Variants in NAV2 observed in about 807,000 individuals in gnomAD.
NAV2 encodes helicase, APC down-regulated 1.
Under a neutral mutation model 223.2 loss-of-function variants are expected in NAV2, and 54 were observed. The ratio of observed to expected loss-of-function variants is 0.24; its 90% CI spans 0.19 to 0.30. The LOEUF (loss-of-function observed/expected upper bound fraction) is 0.30, where lower values mean the gene tolerates loss of function less well. Among genes scored for constraint, NAV2 ranks in the 10% least tolerant of loss-of-function variants. The pLI, the probability that NAV2 is intolerant of heterozygous loss-of-function variation, is 1.00. For synonymous variants in NAV2, 1,279 were observed against 1,239.3 expected, an observed-to-expected ratio of 1.03 and a Z score of -0.67; for missense variants, 2,806 against 3,147.5, an observed-to-expected ratio of 0.89 and a Z score of 2.60.
rs541206973 is a variant in NAV2, at chr11:19,382,081, G to T, written c.75+31054G>T. On this transcript the variant is annotated intron_variant, in intron 1 of 37. Coordinates refer to the NAV2 transcript ENST00000360655. The stretch of plus-strand genomic sequence containing the variant: ...GAGAAGACTCCTGGGCTTCCAGGGG[G>T]CTGCCTTATGTGCTGGAATCTCTGT... 1.5e-3 allele frequency among the ~76,000 whole-genome samples: 225 copies of T among 152,294 alleles called. 1 individual carries two copies. The highest frequency in any genetic ancestry group is 3.4e-3 in the Middle Eastern group (1 of 294).
chr11:19,392,005 G>T (rs1217502509), intron 1 of NAV2, among the ~76,000 whole-genome samples: 8 of 152,280 alleles, frequency 5.3e-5, no homozygotes, highest in South Asian at 2.1e-4. Flanking sequence ...TCATAGTAAA[G>T]GAAGGAATAC....
chr11:19,985,801 C>G (rs1409485407), intron 11 of NAV2, among the ~76,000 whole-genome samples: 1 of 152,146 alleles, frequency 6.6e-6, no homozygotes, highest in Non-Finnish European at 1.5e-5. Context: ...GTCTCGAACT[C>G]TCGAATTCAG....
chr11:19,615,171 A>T (rs2046756829), intron 1 of NAV2, among the ~76,000 whole-genome samples: 1 of 151,746 alleles, frequency 6.6e-6, no homozygotes, highest in African/African-American at 2.4e-5. Flanking sequence ...TATTAAATAT[A>T]CAGATGTATA....
chr11:19,443,905 A>G (rs1207488329), intron 1 of NAV2, among the ~76,000 whole-genome samples: 1 of 152,176 alleles, frequency 6.6e-6, no homozygotes, highest in African/African-American at 2.4e-5. Flanking sequence ...TCAATAAGGG[A>G]CAACTCCTCT....
At chr11:19,474,387 T>A (rs1450181893) in intron 1 of NAV2, among the ~76,000 whole-genome samples, 2 of 152,230 alleles carry the variant, frequency 1.3e-5, no homozygotes, top group African/African-American at 4.8e-5. Flanking sequence ...CTCCAAATGT[T>A]GACTGTAATA....
intron 1 of NAV2, among the ~76,000 whole-genome samples, chr11:19,536,428 C>T (rs2134478424): frequency 1.3e-5 from 2 of 152,256 alleles, no homozygotes. Flanking sequence ...GATTGTGGTC[C>T]AGGGACCAGC....
At chr11:19,510,649 T>C (rs1260289880) in intron 1 of NAV2, among the ~76,000 whole-genome samples, 1 of 152,228 alleles carries the variant, frequency 6.6e-6, no homozygotes, top group Non-Finnish European at 1.5e-5. Context: ...CAGCCCGAAG[T>C]CCGTTGGTCA....
chr11:20,066,547 A>G (rs575680307), intron 20 of NAV2, among the ~76,000 whole-genome samples: 2 of 152,278 alleles, frequency 1.3e-5, no homozygotes, highest in African/African-American at 2.4e-5. Context: ...GTAGGAGCCA[A>G]CCTAGAGGAG....
At chr11:19,920,861 T>C (rs978535594) in intron 6 of NAV2, among the ~76,000 whole-genome samples, 8 of 152,210 alleles carry the variant, frequency 5.3e-5, no homozygotes, top group Non-Finnish European at 1.0e-4. Flanking sequence ...TAAAGGTGTC[T>C]TAGCCTTACA....
At chr11:19,501,456 T>A (rs1005536105) in intron 1 of NAV2, among the ~76,000 whole-genome samples, 1 of 152,114 alleles carries the variant, frequency 6.6e-6, no homozygotes, top group African/African-American at 2.4e-5. Context: ...GATGGTACAG[T>A]AGCTATAATT....
chr11:19,706,323 T>C (rs921828546), intron 1 of NAV2, among the ~76,000 whole-genome samples: 2 of 152,092 alleles, frequency 1.3e-5, no homozygotes, highest in African/African-American at 4.8e-5. Flanking sequence ...AGTAGGAGAG[T>C]GGAACATACC....
At chr11:19,654,812 AT>A (rs1222427863) in intron 1 of NAV2, among the ~76,000 whole-genome samples, 1 of 152,244 alleles carries the variant, frequency 6.6e-6, no homozygotes, top group Non-Finnish European at 1.5e-5. Flanking sequence ...AGGCAATACC[AT>A]TCAGGACATA....
intron 1 of NAV2, among the ~76,000 whole-genome samples, chr11:19,738,974 T>C (rs909851365): frequency 6.6e-6 from 1 of 152,054 alleles, no homozygotes; most frequent in Non-Finnish European, 1.5e-5. Context: ...TAGAAACATA[T>C]ACAAATCACT....
In NAV2 at chr11:19,935,855, T is replaced by TTTTTTTTTG. The variant is rs1235447372; in HGVS notation, c.2033+1586_2033+1587insGTTTTTTTT. On this transcript the variant is annotated intron_variant, in intron 7 of 37. Transcript: ENST00000349880. ...CTTTTGTTTTGTTTTGTTTCTGTTT[T>TTTTTTTTTG]TTTTTTTTTTTTTTTTTTTTGAGAT... Among the ~76,000 whole-genome samples the TTTTTTTTTG allele has an allele frequency of 3.5e-4, 33 of 94,608 alleles. 2 individuals are homozygous for TTTTTTTTTG. The highest frequency in any genetic ancestry group is 4.6e-4 in the Non-Finnish European group (20 of 43,732). The allele number at this position is 94,608 out of a possible 152,430, so 62.1% of individuals were successfully genotyped here.
chr11:19,445,579 A>AG (rs1463642067), intron 1 of NAV2, among the ~76,000 whole-genome samples: 3 of 152,218 alleles, frequency 2.0e-5, no homozygotes, highest in Admixed American at 2.0e-4. Flanking sequence ...TTAACTGGGT[A>AG]GGGACTCTGG....
chr11:19,526,896 A>G (rs1310315382), intron 1 of NAV2, among the ~76,000 whole-genome samples: 1 of 152,144 alleles, frequency 6.6e-6, no homozygotes, highest in Non-Finnish European at 1.5e-5. Context: ...GGTAGTGGTA[A>G]TTCTTCTTCA....
intron 10 of NAV2, among the ~76,000 whole-genome samples, chr11:19,954,975 A>G (rs1389727167): frequency 2.1e-3 from 84 of 39,250 alleles, no homozygotes; most frequent in African/African-American, 5.1e-3. Context: ...ATATACACAC[A>G]TATATATATA....
intron 1 of NAV2, among the ~76,000 whole-genome samples, chr11:19,588,098 T>C (rs149344541): frequency 0.01 from 1,541 of 152,300 alleles, 18 homozygotes; most frequent in South Asian, 0.04. Flanking sequence ...TCCTACTAGT[T>C]CTATTCCTTT....
At chr11:19,629,981 C>T (rs2047299356) in intron 1 of NAV2, among the ~76,000 whole-genome samples, 1 of 152,146 alleles carries the variant, frequency 6.6e-6, no homozygotes. Context: ...TCTGTACCCT[C>T]TGATTTATGA....
Sources: allele counts gnomAD v4.1 joint callset (sites outside exome capture counted in the v4.1 genomes callset), GRCh38; gene constraint gnomAD v4.1.1; transcripts MANE v1.5; gene names NCBI Gene and HGNC (gene_info 2026-07-23, HGNC 2026-07-21).